The following TECPR1 variants were observed in gnomAD, a reference collection of about 807,000 sequenced individuals.
TECPR1 encodes the protein tectonin beta-propeller repeat-containing protein 1.
In TECPR1, 122 loss-of-function variants were observed where a neutral mutation model predicts 162.4. The ratio of observed to expected loss-of-function variants is 0.75; its 90% CI spans 0.65 to 0.87. TECPR1 has a LOEUF of 0.87. Ranked by LOEUF, TECPR1 falls within the 40% of genes least tolerant of loss-of-function variation. The pLI is 0.00. For missense variants in TECPR1, 1,432 were observed against 1,618.2 expected (o/e 0.88, Z 1.97); for synonymous variants, 642 against 670.6 (o/e 0.96, Z 0.66).
chr7:98,217,307 G>C lies in TECPR1; in HGVS notation c.*83C>G. On this transcript the variant is annotated 3_prime_UTR_variant, in exon 26 of 26. Coordinates refer to ENST00000447648, the MANE Select transcript of TECPR1 (RefSeq NM_015395.3). ...TCCACCTGGGCCACATTGCTCCCAC[G>C]GTGCACACTCCAGCACAAGAATGGC... 1.1e-6 allele frequency: 1 copy of C among 941,214 alleles called. No homozygotes were observed. The highest frequency in any genetic ancestry group is 1.6e-6 in the Non-Finnish European group (1 of 642,542). The allele number at this position is 941,214 out of a possible 1,614,324, so 58.3% of individuals were successfully genotyped here. A position where few individuals can be genotyped will look rare whatever the true frequency, so the allele number is the denominator to read the frequency against.
At chr7:98,235,263 C>T (rs1430666111) in intron 10 of TECPR1, among the ~76,000 whole-genome samples, 2 of 152,188 alleles carry the variant, frequency 1.3e-5, no homozygotes, top group South Asian at 2.1e-4. Flanking sequence ...CAGTGGCTCA[C>T]GCCTGTAATC....
At chr7:98,246,543 G>A (rs1212118474) in intron 2 of TECPR1, among the ~76,000 whole-genome samples, 5 of 151,980 alleles carry the variant, frequency 3.3e-5, no homozygotes, top group Admixed American at 6.6e-5. Flanking sequence ...GGGATTACAG[G>A]CGTGAGCCAC....
chr7:98,241,303 G>A lies in TECPR1; in HGVS notation c.658-59C>T, dbSNP rs773745259. On this transcript the variant is annotated intron_variant, in intron 6 of 25. Coordinates refer to ENST00000447648, the MANE Select transcript of TECPR1 (RefSeq NM_015395.3). This position sits in a 1 kb window ranked among gnomAD's most constrained non-coding sequence, Gnocchi z 5.0. ...CAACTCATTCACACCAGCCAAGCACGGGGGTCTCGGTGTGGTAGGGGGTAG... is the reference window on the plus strand; with the variant it reads ...CAACTCATTCACACCAGCCAAGCACAGGGGTCTCGGTGTGGTAGGGGGTAG... The A allele has an allele frequency of 8.8e-6, 14 of 1,593,174 alleles. No individual in the cohort carries two copies. Among genetic ancestry groups the A allele is most frequent in the African/African-American group, 5.4e-5 (4 of 74,614 alleles).
Position 98,236,828 on chromosome 7 carries a change from C to T in TECPR1, c.1129G>A (p.Ala377Thr), listed in dbSNP as rs201163842. Residue 377 changes from alanine (A) to threonine (T), a missense_variant, in exon 10 of 26, where the codon GCG (alanine) becomes ACG (threonine). By Grantham distance (58) the Ala-to-Thr change is moderately conservative. Transcript: ENST00000447648. ...TGTGACCGGTCACACTCTCGGGCCGCGATGATGGCTTTCCAGGTCTTCCCA... is the reference window on the plus strand; with the variant it reads ...TGTGACCGGTCACACTCTCGGGCCGTGATGATGGCTTTCCAGGTCTTCCCA... ...LSGKTWKAIIAARECDRSHSG... is the reference protein window; with the variant it reads ...LSGKTWKAIITARECDRSHSG... 6.0e-5 allele frequency: 95 copies of T among 1,588,082 alleles called. No individual in the cohort carries two copies. The highest frequency in any genetic ancestry group is 1.1e-4 in the Admixed American group (6 of 56,340).
At position 98,221,729 on chromosome 7, in the gene TECPR1, G is replaced by A. The variant is rs754787326; in HGVS notation, c.3089C>T (p.Ser1030Phe). 2.5e-6 allele frequency: 4 copies of A among 1,609,900 alleles called. No individual in the cohort carries two copies. The highest frequency in any genetic ancestry group is 3.4e-6 in the Non-Finnish European group (4 of 1,178,598). ...CTGCTTCAGCCTCTGTCTCGGTGGG[G>A]ACGGGATGTGGTACCAGCAGTCACC... ...PAGDCWYHIP[S>F]PPRQRLKQVS... Residue 1030 changes from serine to phenylalanine, a missense_variant, in exon 23 of 26, where the codon TCC becomes TTC. Physicochemically the swap from Ser to Phe is radical, Grantham distance 155 (BLOSUM62 -2). Transcript: ENST00000447648.
In TECPR1 at chr7:98,231,038, G is replaced by C. The variant is rs1172292862; in HGVS notation, c.2205C>G (p.Thr735=). 2.8e-5 allele frequency: 45 copies of C among 1,612,598 alleles called. No individual in the cohort carries two copies. Among genetic ancestry groups the C allele is most frequent in the Non-Finnish European group, 3.7e-5 (44 of 1,179,630 alleles). Reference sequence around the variant, plus strand: ...CGCTCACGAAGATGTCCCCCTTGCAGGTGATGGACCAGATGGCCTGCGGGG... The same window carrying C: ...CGCTCACGAAGATGTCCCCCTTGCACGTGATGGACCAGATGGCCTGCGGGG... The part of the protein sequence containing the change: ...RPSPQAIWSI[T]CKGDIFVSEP... The change falls in exon 15 of 26, where the codon ACC becomes ACG. Residue 735 remains threonine, a synonymous_variant. Coordinates refer to ENST00000447648, the MANE Select transcript of TECPR1 (RefSeq NM_015395.3).
At chr7:98,246,492 C>T (rs941421052) in intron 2 of TECPR1, among the ~76,000 whole-genome samples, 1 of 152,080 alleles carries the variant, frequency 6.6e-6, no homozygotes, top group Non-Finnish European at 1.5e-5. Context: ...GTATCGATCT[C>T]CTGACCTTGT....
intron 17 of TECPR1, among the ~76,000 whole-genome samples, chr7:98,227,497 T>C (rs1798307845): frequency 6.6e-6 from 1 of 151,872 alleles, no homozygotes; most frequent in Non-Finnish European, 1.5e-5. Context: ...TTACATACAT[T>C]TCTTGGAGGT....
At chr7:98,222,904 G>A in intron 21 of TECPR1, 86 bp downstream of exon 21, 1 of 1,535,132 alleles carries the variant, frequency 6.5e-7, no homozygotes, top group Non-Finnish European at 8.9e-7. Flanking sequence ...GGTCCTAGGG[G>A]CTTGTCCTGA....
intron 17 of TECPR1, among the ~76,000 whole-genome samples, chr7:98,225,449 C>T (rs932193918): frequency 3.3e-5 from 5 of 151,610 alleles, no homozygotes; most frequent in African/African-American, 9.7e-5. Context: ...GCAGGGGAAT[C>T]GCTTGAACCC....
Position 98,236,025 on chromosome 7 carries a change from C to A in TECPR1, c.1181+751G>T, listed in dbSNP as rs112607949. ...TCACAGCTATAGGTGGAAACGTGGA[C>A]GGCTGCAGAGCCTGGGCCCTGAGCG... On this transcript the variant is annotated intron_variant, in intron 10 of 25. Transcript: ENST00000447648. Among the ~76,000 whole-genome samples the A allele has an allele frequency of 2.0e-5, 3 of 152,164 alleles. 1 individual carries two copies. Among genetic ancestry groups the A allele is most frequent in the African/African-American group, 7.2e-5 (3 of 41,508 alleles).
chr7:98,226,350 T>A, intron 17 of TECPR1: 1 of 682,214 alleles, frequency 1.5e-6, no homozygotes. Flanking sequence ...CACAGGGACA[T>A]CCTTTAAATG....
intron 2 of TECPR1, among the ~76,000 whole-genome samples, chr7:98,248,649 C>T (rs1383736225): frequency 6.6e-6 from 1 of 150,802 alleles, no homozygotes; most frequent in Non-Finnish European, 1.5e-5. Flanking sequence ...TGAGACCAGC[C>T]TGGCCAGCAT....
intron 10 of TECPR1, among the ~76,000 whole-genome samples, chr7:98,234,687 ACTAGCATTTGTTATTGTCTT>A (rs2116586410): frequency 1.4e-5 from 2 of 144,978 alleles, no homozygotes; most frequent in African/African-American, 5.1e-5. Context: ...CCATGTTCTC[ACTAGCATTTGTTATTGTCTT>A]TTTTTTTTTT....
intron 8 of TECPR1, among the ~76,000 whole-genome samples, chr7:98,240,611 C>T (rs933195823): frequency 1.3e-5 from 2 of 152,094 alleles, no homozygotes; most frequent in African/African-American, 2.4e-5. Flanking sequence ...AACAAGGTTT[C>T]ACCATGTTGG....
At chr7:98,223,788 A>C in intron 19 of TECPR1, 70 bp from the exon 20 acceptor site, 1 of 1,542,658 alleles carries the variant, frequency 6.5e-7, no homozygotes, top group Non-Finnish European at 9.0e-7. Flanking sequence ...GTGCATGTAA[A>C]CATTCTTGTT....
At chr7:98,227,210 G>A (rs935117102) in intron 17 of TECPR1, among the ~76,000 whole-genome samples, 18 of 151,494 alleles carry the variant, frequency 1.2e-4, no homozygotes, top group African/African-American at 4.1e-4. Flanking sequence ...GGACCAACAT[G>A]GTGAAACCCC....
At chr7:98,223,879 A>C in intron 19 of TECPR1, 161 bp from the exon 20 acceptor site, 5 of 696,684 alleles carry the variant, frequency 7.2e-6, no homozygotes, top group East Asian at 5.8e-5. Context: ...CGCGGCTCTC[A>C]GGAGGCGCTT....
chr7:98,230,681 A>G (rs1219753070), intron 15 of TECPR1, among the ~76,000 whole-genome samples: 1 of 152,068 alleles, frequency 6.6e-6, no homozygotes, highest in Non-Finnish European at 1.5e-5. Flanking sequence ...GGGGTGGAGA[A>G]TTGTGCCCCT....
Sources: allele counts gnomAD v4.1 joint callset (sites outside exome capture counted in the v4.1 genomes callset), GRCh38; gene constraint gnomAD v4.1.1; non-coding constraint Gnocchi (gnomAD v3.1); transcripts MANE v1.5; gene names NCBI Gene and HGNC (gene_info 2026-07-23, HGNC 2026-07-21).